The following KMT2D variants were observed in gnomAD, a reference collection of about 807,000 sequenced individuals.
KMT2D encodes the protein lysine methyltransferase 2D, also known as histone-lysine N-methyltransferase 2D.
KMT2D carries 55 observed loss-of-function variants against 512.7 expected under a neutral mutation model. That is an observed-to-expected ratio of 0.11 (90% CI 0.09 to 0.13). The LOEUF (loss-of-function observed/expected upper bound fraction) is 0.13. KMT2D is among the 10% of genes least tolerant of loss of function. The probability of loss-of-function intolerance (pLI) is 1.00; values close to 1 mark genes in which losing one functional copy is unlikely to be tolerated. For synonymous variants in KMT2D, 2,995 were observed against 2,904.0 expected (o/e 1.03, Z -1.01); for missense variants, 6,061 against 7,127.9 (o/e 0.85, Z 5.39).
intron 18 of KMT2D, 24 bp from the exon 19 acceptor site, chr12:49,045,991 G>A (rs1355620255): frequency 6.2e-7 from 1 of 1,613,830 alleles, no homozygotes; most frequent in East Asian, 2.2e-5. Flanking sequence ...GACAAACGGA[G>A]GTGGCTGAGG....
rs1943665263 is a variant in KMT2D, at chr12:49,043,977, G to C, written c.5210C>G (p.Ala1737Gly). 6.2e-7 allele frequency: 1 copy of C among 1,614,002 alleles called. No homozygotes were observed. The highest frequency in any genetic ancestry group is 8.5e-7 in the Non-Finnish European group (1 of 1,179,896). Reference protein sequence around the residue: ...PDEVIPADLPAEGAVEQSLAE... With the variant: ...PDEVIPADLPGEGAVEQSLAE... ...TAAGCTCTGCTCCACGGCGCCCTCT[G>C]CAGGCAGGTCAGCAGGTATCACTGT... Residue 1737 changes from alanine to glycine, a missense_variant, in exon 23 of 55, where the codon GCA (alanine) becomes GGA (glycine). By Grantham distance (60) the Ala-to-Gly change is moderately conservative. Coordinates refer to ENST00000301067, the MANE Select transcript of KMT2D (RefSeq NM_003482.4).
chr12:49,052,783 G>A, intron 9 of KMT2D, 74 bp from the exon 10 acceptor site: 1 of 1,587,018 alleles, frequency 6.3e-7, no homozygotes, highest in South Asian at 1.1e-5. Flanking sequence ...ACTGGGGGGA[G>A]GCACGAATGC....
rs765798064 is a variant in KMT2D, at chr12:49,043,864, C to G, written c.5319+4G>C. 2 of 1,614,072 alleles carry G rather than the reference C, an allele frequency of 1.2e-6. No individual in the cohort carries two copies. Among genetic ancestry groups the G allele is most frequent in the South Asian group, 2.2e-5 (2 of 91,088 alleles). On this transcript the variant is annotated splice_donor_region_variant and intron_variant, in intron 23 of 54. Transcript: ENST00000301067. The stretch of plus-strand genomic sequence containing the variant: ...TCCCTCACTGCTTGGAGCCTGAGAC[C>G]CACCTGCAAGTAAGCAGGGAACATG...
Position 49,022,534 on chromosome 12 carries a change from T to TG in KMT2D, c.16338+55dup, listed in dbSNP as rs1942379894. 3.2e-6 allele frequency: 5 copies of TG among 1,580,292 alleles called. No individual in the cohort carries two copies. In the Admixed American group the frequency reaches 6.8e-5, roughly 21 times the overall value. ...GCTCTCCTGTGACCAATCCTGCCCTTGCTCCTTGGTTGAGTGCAGACTATG... is the reference window on the plus strand; with the variant it reads ...GCTCTCCTGTGACCAATCCTGCCCTTGGCTCCTTGGTTGAGTGCAGACTATG... On this transcript the variant is annotated intron_variant, in intron 52 of 54. Transcript: ENST00000301067. The surrounding 1 kb of genome is among the most constrained non-coding windows in gnomAD (Gnocchi z 8.6).
At position 49,046,869 on chromosome 12, in the gene KMT2D, G is replaced by A; in HGVS notation, c.4237-79C>T. On this transcript the variant is annotated intron_variant, in intron 15 of 54. Transcript: ENST00000301067. This position sits in a 1 kb window ranked among gnomAD's most constrained non-coding sequence, Gnocchi z 4.2. ...TTCTTTTTATTTTTTTTTGGAGATG[G>A]AGTTTTGCTCTTGTTCCCCAGGCTG... The A allele has an allele frequency of 1.5e-6, 2 of 1,366,718 alleles. No individual in the cohort carries two copies. The highest frequency in any genetic ancestry group is 2.0e-6 in the Non-Finnish European group (2 of 1,003,926). The allele number at this position is 1,366,718 out of a possible 1,614,324, so 84.7% of individuals were successfully genotyped here.
chr12:49,031,449 G>C lies in KMT2D; in HGVS notation c.13256C>G (p.Pro4419Arg). 6.2e-7 allele frequency: 1 copy of C among 1,613,796 alleles called. No individual in the cohort carries two copies. The change falls in exon 40 of 55, where the codon CCT (proline) becomes CGT (arginine). Residue 4419 changes from proline (P) to arginine (R), a missense_variant. Pro to Arg is a moderately radical substitution (Grantham distance 103, BLOSUM62 -2). Coordinates refer to ENST00000301067, the MANE Select transcript of KMT2D (RefSeq NM_003482.4). Reference sequence around the variant, plus strand: ...TCCCAGGGCACATGGCTCTTCCCGAGGTTCCTGCTTGATGCTGAGTTGGGA... The same window carrying C: ...TCCCAGGGCACATGGCTCTTCCCGACGTTCCTGCTTGATGCTGAGTTGGGA... Reference protein sequence around the residue: ...EASQLSIKQEPREEPCALGAQ... With the variant: ...EASQLSIKQERREEPCALGAQ...
Position 49,054,223 on chromosome 12 carries a change from C to G in KMT2D, c.511-83G>C, listed in dbSNP as rs2120706140. ...AGGCACTAGCTCTGCCCCAGTATACCCATGGTCCTTCTCATTCCAACCTGA... is the reference window on the plus strand; with the variant it reads ...AGGCACTAGCTCTGCCCCAGTATACGCATGGTCCTTCTCATTCCAACCTGA... On this transcript the variant is annotated intron_variant, in intron 5 of 54. Coordinates refer to ENST00000301067, the MANE Select transcript of KMT2D (RefSeq NM_003482.4). This position sits in a 1 kb window ranked among gnomAD's most constrained non-coding sequence, Gnocchi z 6.4. 2 of 1,534,816 alleles carry G rather than the reference C, an allele frequency of 1.3e-6. No homozygotes were observed. The highest frequency in any genetic ancestry group is 2.7e-5 in the African/African-American group (2 of 72,828).
chr12:49,052,536 AT>A (rs758832409), intron 10 of KMT2D, 27 bp downstream of exon 10: 10 of 1,608,718 alleles, frequency 6.2e-6, no homozygotes, highest in Non-Finnish European at 8.5e-6. Context: ...AAGGGGATGA[AT>A]TTCAGGGACC....
Position 49,040,298 on chromosome 12 carries a change from G to A in KMT2D, c.7472C>T (p.Ala2491Val). The part of the protein sequence containing the change: ...AGSLAHTSLG[A>V]GGFPAALPAG... Reference sequence around the variant, plus strand: ...GGGCAGGGCTGCTGGGAACCCCCCAGCCCCCAGCGAAGTGTGGGCTAGAGA... The same window carrying A: ...GGGCAGGGCTGCTGGGAACCCCCCAACCCCCAGCGAAGTGTGGGCTAGAGA... Residue 2491 changes from alanine (A) to valine (V), a missense_variant, in exon 32 of 55, where the codon GCT becomes GTT. This residue lies in a region of KMT2D where 710 missense variants were observed against 647.3 expected (regional missense o/e 1.10). Coordinates refer to ENST00000301067, the MANE Select transcript of KMT2D (RefSeq NM_003482.4). The A allele has an allele frequency of 6.3e-7, 1 of 1,596,642 alleles. No individual in the cohort carries two copies. The highest frequency in any genetic ancestry group is 8.5e-7 in the Non-Finnish European group (1 of 1,170,382).
chr12:49,038,939 C>G lies in KMT2D; in HGVS notation c.8417G>C (p.Gly2806Ala), dbSNP rs2120506357. Residue 2806 changes from glycine (G) to alanine (A), a missense_variant, in exon 35 of 55, where the codon GGG (glycine) becomes GCG (alanine). This residue lies in a region of KMT2D where 527 missense variants were observed against 578.9 expected (regional missense o/e 0.91). Transcript: ENST00000301067. This position sits in a 1 kb window ranked among gnomAD's most constrained non-coding sequence, Gnocchi z 5.7. ...CTGTTGCTGCTGTAAGGGCAGGGAC[C>G]CAGGATAGGGTGCTCGCTGATAGAA... ...QAFYQRAPYP[G>A]SLPLQQQQQQ... The G allele has an allele frequency of 6.4e-7, 1 of 1,551,680 alleles. No individual in the cohort carries two copies. The highest frequency in any genetic ancestry group is 8.7e-7 in the Non-Finnish European group (1 of 1,147,050).
At chr12:49,053,180 A>G in intron 8 of KMT2D, 27 bp downstream of exon 8, 1 of 1,610,756 alleles carries the variant, frequency 6.2e-7, no homozygotes, top group Non-Finnish European at 8.5e-7. Flanking sequence ...AGTTAGGGAC[A>G]ATAGGGCAGA....
chr12:49,044,325 G>A lies in KMT2D; in HGVS notation c.5084-21C>T, dbSNP rs2120581435. On this transcript the variant is annotated intron_variant, in intron 21 of 54. Transcript: ENST00000301067. The surrounding 1 kb of genome is among the most constrained non-coding windows in gnomAD (Gnocchi z 6.4). ...AATGCCTATGAGGAGGCAGAGTTGT[G>A]GATGAGAAGCCGCTGGGGGACCTAT... The A allele has an allele frequency of 2.5e-6, 4 of 1,613,852 alleles. No homozygotes were observed. The highest frequency in any genetic ancestry group is 3.4e-6 in the Non-Finnish European group (4 of 1,179,826).
rs1937907064 is a variant in KMT2D, at chr12:49,050,620, A to G, written c.2968T>C (p.Cys990Arg). 3 of 1,611,970 alleles carry G rather than the reference A, an allele frequency of 1.9e-6. No homozygotes were observed. Among genetic ancestry groups the G allele is most frequent in the Non-Finnish European group, 1.7e-6 (2 of 1,178,728 alleles). The change falls in exon 12 of 55, where the codon TGC becomes CGC. Residue 990 changes from cysteine (C) to arginine (R), a missense_variant. By Grantham distance (180) the Cys-to-Arg change is radical. Coordinates refer to ENST00000301067, the MANE Select transcript of KMT2D (RefSeq NM_003482.4). ...TPISPPPEAN[C>R]TDPEPVPPMI... ...GGGGGGACAGGCTCAGGGTCAGTGC[A>G]GTTAGCTTCTGGTGGAGGGCTGATG...
At position 49,042,952 on chromosome 12, in the gene KMT2D, T is replaced by C. The variant is rs1023526143; in HGVS notation, c.5645-74A>G. ...GACACCACAGGTCTACAAATGATCATGGCCAGGAACAGTCCAGGACTCCCC... is the reference window on the plus strand; with the variant it reads ...GACACCACAGGTCTACAAATGATCACGGCCAGGAACAGTCCAGGACTCCCC... On this transcript the variant is annotated intron_variant, in intron 26 of 54. Coordinates refer to ENST00000301067, the MANE Select transcript of KMT2D (RefSeq NM_003482.4). The surrounding 1 kb of genome is among the most constrained non-coding windows in gnomAD (Gnocchi z 4.4). 4.1e-5 allele frequency: 66 copies of C among 1,596,746 alleles called. No homozygotes were observed. The highest frequency in any genetic ancestry group is 5.5e-5 in the Non-Finnish European group (64 of 1,166,120).
intron 1 of KMT2D, among the ~76,000 whole-genome samples, chr12:49,056,682 C>T (rs1170905599): frequency 6.6e-6 from 1 of 152,190 alleles, no homozygotes; most frequent in Non-Finnish European, 1.5e-5. Context: ...GCCTTTTCCA[C>T]TCTTCTTGAC....
chr12:49,041,174 T>C lies in KMT2D; in HGVS notation c.6596A>G (p.Tyr2199Cys). The change falls in exon 32 of 55, where the codon TAT becomes TGT. Residue 2199 changes from tyrosine (Y) to cysteine (C), a missense_variant. Physicochemically the swap from Tyr to Cys is radical, Grantham distance 194 (BLOSUM62 -2). Transcript: ENST00000301067. This position sits in a 1 kb window ranked among gnomAD's most constrained non-coding sequence, Gnocchi z 5.4. ...FPTAPPTYPP[Y>C]PSPTGAPAQP... ...CGCAGGGGCCCCCGTAGGACTAGGA[T>C]AGGGGGGATAGGTGGGCGGTGCCGT... 1 of 1,517,506 alleles carries C rather than the reference T, an allele frequency of 6.6e-7. No individual in the cohort carries two copies. The highest frequency in any genetic ancestry group is 8.8e-7 in the Non-Finnish European group (1 of 1,135,720). 94.0% of individuals were successfully genotyped at this position (1,517,506 alleles called of 1,614,324 possible). A position where few individuals can be genotyped will look rare whatever the true frequency, so the allele number is the denominator to read the frequency against.
At chr12:49,023,243 G>C (rs907314969) in intron 51 of KMT2D, among the ~76,000 whole-genome samples, 4 of 152,160 alleles carry the variant, frequency 2.6e-5, no homozygotes, top group Non-Finnish European at 5.9e-5. Flanking sequence ...GAAGTTTTCC[G>C]CAAGCAGCCC....
chr12:49,031,277 A>T lies in KMT2D; in HGVS notation c.13428T>A (p.Thr4476=). The T allele has an allele frequency of 6.2e-7, 1 of 1,613,470 alleles. No individual in the cohort carries two copies. The highest frequency in any genetic ancestry group is 8.5e-7 in the Non-Finnish European group (1 of 1,179,880). The change falls in exon 40 of 55, where the codon ACT becomes ACA. Residue 4476 remains threonine (T), a synonymous_variant. Transcript: ENST00000301067. ...CTCGCAGCCCCTCGGACCCCCGCCCAGTGCTGAGTTGCACATTCTTTGCCC... is the reference window on the plus strand; with the variant it reads ...CTCGCAGCCCCTCGGACCCCCGCCCTGTGCTGAGTTGCACATTCTTTGCCC... ...LLRAKNVQLS[T]GRGSEGLRAE...
rs1248002178 is a variant in KMT2D, at chr12:49,034,148, G to A, written c.10659C>T (p.Gly3553=). Residue 3553 remains glycine (G), a synonymous_variant, in exon 39 of 55, where the codon GGC becomes GGT. Coordinates refer to ENST00000301067, the MANE Select transcript of KMT2D (RefSeq NM_003482.4). The stretch of plus-strand genomic sequence containing the variant: ...CAGCATCAGCTTCTGGGAACTCACG[G>A]CCAGCTTTTTTGGCAGTGCGCTGCT... The part of the protein sequence containing the change: ...CAKQRTAKKA[G]REFPEADAEK... 1.9e-6 allele frequency: 3 copies of A among 1,613,038 alleles called. No homozygotes were observed. The highest frequency in any genetic ancestry group is 2.5e-6 in the Non-Finnish European group (3 of 1,179,870).
Sources: gnomAD v4.1 joint callset for allele counts (sites outside exome capture counted in the v4.1 genomes callset) on GRCh38, gnomAD v4.1.1 for gene constraint, gnomAD v4.1.1 regional missense constraint, Gnocchi (gnomAD v3.1) non-coding constraint, MANE v1.5 for transcripts, NCBI Gene and HGNC (gene_info 2026-07-23, HGNC 2026-07-21) for gene names.